The following TENM2 variants were observed in gnomAD, a reference collection of about 807,000 sequenced individuals.
TENM2 encodes the protein teneurin-2.
In TENM2, 52 loss-of-function variants were observed where a neutral mutation model predicts 245.2. The ratio of observed to expected loss-of-function variants is 0.21; its 90% CI spans 0.17 to 0.27. The LOEUF is 0.27. TENM2 is among the 10% of genes least tolerant of loss of function. TENM2 has a pLI of 1.00. For synonymous variants in TENM2, 1,363 were observed against 1,438.9 expected, an observed-to-expected ratio of 0.95 and a Z score of 1.19; for missense variants, 3,046 against 3,666.8, an observed-to-expected ratio of 0.83 and a Z score of 4.37.
chr5:167,020,535 T>C, the TENM2 span, among the ~76,000 whole-genome samples: 1 of 152,206 alleles, frequency 6.6e-6, no homozygotes, highest in Non-Finnish European at 1.5e-5. Flanking sequence ...GTTTTGCTAG[T>C]AAGCCCATTC....
chr5:167,732,861 T>G (rs1406339015), intron 2 of TENM2, among the ~76,000 whole-genome samples: 1 of 152,188 alleles, frequency 6.6e-6, no homozygotes, highest in Non-Finnish European at 1.5e-5. Context: ...AGATGTTTCC[T>G]TGTTCATTGT....
chr5:167,791,305 T>C (rs1290075357), intron 2 of TENM2, among the ~76,000 whole-genome samples: 1 of 149,560 alleles, frequency 6.7e-6, no homozygotes, highest in African/African-American at 2.5e-5. Context: ...TTATAATCTG[T>C]GTATCTTATG....
intron 2 of TENM2, among the ~76,000 whole-genome samples, chr5:167,408,942 A>G (rs1279014046): frequency 8.3e-6 from 1 of 121,040 alleles, no homozygotes; most frequent in Non-Finnish European, 1.6e-5. Context: ...CCCAAATCTA[A>G]TATATATATA....
chr5:168,062,313 ATAT>A, intron 7 of TENM2, 48 bp downstream of exon 9: 1 of 1,483,404 alleles, frequency 6.7e-7, no homozygotes, highest in Non-Finnish European at 9.4e-7. Flanking sequence ...ATATATACGT[ATAT>A]ATGTGTGTGT....
At chr5:167,929,057 GAGAGAAAGAAAGAAAGAA>G (rs1379910474) in intron 3 of TENM2, among the ~76,000 whole-genome samples, 19 of 57,384 alleles carry the variant, frequency 3.3e-4, no homozygotes, top group Middle Eastern at 0.011. Flanking sequence ...AAGAAAGAAA[GAGAGAAAGAAAGAAAGAA>G]AGAAAGAAAG....
At chr5:167,003,513 G>A in the TENM2 span, among the ~76,000 whole-genome samples, 2 of 152,086 alleles carry the variant, frequency 1.3e-5, no homozygotes, top group African/African-American at 4.8e-5. Context: ...TCACTTCATG[G>A]CTCAAATGAC....
chr5:168,156,269 C>CCT (rs1554210167), intron 12 of TENM2, among the ~76,000 whole-genome samples: 1 of 34,234 alleles, frequency 2.9e-5, no homozygotes, highest in African/African-American at 1.5e-4. Context: ...AAAAAAAACA[C>CCT]TTTTTTTTTT....
intron 2 of TENM2, among the ~76,000 whole-genome samples, chr5:167,868,088 T>A (rs80035440): frequency 0.016 from 2,384 of 152,288 alleles, 72 homozygotes; most frequent in African/African-American, 0.054. Flanking sequence ...CCATCACACG[T>A]AGTAATACAG....
At chr5:168,074,867 T>C (rs1247270263) in intron 7 of TENM2, among the ~76,000 whole-genome samples, 1 of 152,232 alleles carries the variant, frequency 6.6e-6, no homozygotes, top group Non-Finnish European at 1.5e-5. Context: ...TCCTCCTTCA[T>C]GCTTTATGCT....
chr5:167,481,246 A>C (rs1426388519), intron 2 of TENM2, among the ~76,000 whole-genome samples: 1 of 152,220 alleles, frequency 6.6e-6, no homozygotes. Context: ...GGCAAACTGC[A>C]GCCCACAGAC....
chr5:167,794,146 G>T (rs188861030), intron 2 of TENM2, among the ~76,000 whole-genome samples: 54 of 151,794 alleles, frequency 3.6e-4, no homozygotes, highest in Admixed American at 6.6e-4. Context: ...TAGCTATGTC[G>T]CCCACCAGTC....
chr5:167,284,670 T>A (rs1429923397), upstream of TENM2: 1 of 609,884 alleles, frequency 1.6e-6, no homozygotes. Flanking sequence ...CAAGGCTGCA[T>A]GTTCATGTTT....
chr5:167,244,335 C>T, the TENM2 span, among the ~76,000 whole-genome samples: 1 of 152,084 alleles, frequency 6.6e-6, no homozygotes, highest in Admixed American at 6.6e-5. Flanking sequence ...AATTTACATA[C>T]CACTTCATTT....
chr5:167,694,004 T>A lies in TENM2; in HGVS notation c.503-181982T>A, dbSNP rs140133433. 2.8e-4 allele frequency among the ~76,000 whole-genome samples: 42 copies of A among 152,352 alleles called. 1 individual carries two copies. Among genetic ancestry groups the A allele is most frequent in the South Asian group, 8.3e-4 (4 of 4,830 alleles). ...ATGCACAACAGACTAATTGATTGAA[T>A]GCACTTTTCACAATTCCACTTATCT... On this transcript the variant is annotated intron_variant, in intron 2 of 28. Transcript: ENST00000518659.
intron 4 of TENM2, among the ~76,000 whole-genome samples, chr5:167,962,044 G>A (rs962265766): frequency 6.6e-6 from 1 of 152,120 alleles, no homozygotes; most frequent in African/African-American, 2.4e-5. Context: ...ATAACTTTTT[G>A]TAATAAAGTG....
At chr5:167,056,601 A>T in the TENM2 span, among the ~76,000 whole-genome samples, 1 of 146,468 alleles carries the variant, frequency 6.8e-6, no homozygotes, top group African/African-American at 2.5e-5. Flanking sequence ...ATATAAATAT[A>T]TATCTATATA....
chr5:167,464,999 A>G (rs1766553022), intron 2 of TENM2, among the ~76,000 whole-genome samples: 1 of 152,224 alleles, frequency 6.6e-6, no homozygotes, highest in South Asian at 2.1e-4. Context: ...TCACTACATG[A>G]CATTGATGTG....
intron 2 of TENM2, among the ~76,000 whole-genome samples, chr5:167,786,190 C>G (rs569284242): frequency 1.3e-5 from 2 of 152,218 alleles, no homozygotes; most frequent in South Asian, 4.1e-4. Flanking sequence ...GCCTCAGGTA[C>G]CAAGCCTCTG....
At chr5:168,070,193 G>A (rs1324408539) in intron 7 of TENM2, among the ~76,000 whole-genome samples, 1 of 152,182 alleles carries the variant, frequency 6.6e-6, no homozygotes, top group East Asian at 1.9e-4. Context: ...AGAACGAAAT[G>A]TGTGCTTACA....
Sources: gnomAD v4.1 joint callset for allele counts (sites outside exome capture counted in the v4.1 genomes callset) on GRCh38, gnomAD v4.1.1 for gene constraint, MANE v1.5 for transcripts, NCBI Gene and HGNC (gene_info 2026-07-23, HGNC 2026-07-21) for gene names.